The following INPP4B variants were observed in gnomAD, a reference collection of about 807,000 sequenced individuals.
INPP4B encodes the protein inositol polyphosphate 4-phosphatase type II.
In INPP4B, 55 loss-of-function variants were observed where a neutral mutation model predicts 122.5. That is an observed-to-expected ratio of 0.45 (90% CI 0.36 to 0.56). INPP4B has a LOEUF of 0.56. Among genes scored for constraint, INPP4B ranks in the 20% least tolerant of loss-of-function variants. INPP4B has a pLI of 0.00. For missense variants in INPP4B, 1,000 were observed against 1,097.7 expected (o/e 0.91, Z 1.26); for synonymous variants, 403 against 388.7 (o/e 1.04, Z -0.43).
intron 7 of INPP4B, among the ~76,000 whole-genome samples, chr4:142,324,601 G>T (rs1223178004): frequency 2.0e-5 from 3 of 151,922 alleles, no homozygotes; most frequent in Admixed American, 6.6e-5. Context: ...CTTCTGTTTG[G>T]CAAAACCTTG....
At chr4:142,358,741 A>T (rs1299305140) in intron 7 of INPP4B, among the ~76,000 whole-genome samples, 1 of 150,772 alleles carries the variant, frequency 6.6e-6, no homozygotes, top group African/African-American at 2.4e-5. Flanking sequence ...AATTCCTCCC[A>T]CGATAACAAT....
intron 22 of INPP4B, among the ~76,000 whole-genome samples, chr4:142,108,967 C>A (rs1788612726): frequency 1.3e-5 from 2 of 152,122 alleles, no homozygotes. Flanking sequence ...AACTCCACTT[C>A]AAATATAACA....
chr4:142,152,175 G>A (rs1266477924), intron 17 of INPP4B, among the ~76,000 whole-genome samples: 1 of 141,436 alleles, frequency 7.1e-6, no homozygotes, highest in Non-Finnish European at 1.5e-5. Flanking sequence ...CCGGGTTCAT[G>A]CCATTCTCCT....
chr4:142,294,533 A>G (rs1423327017), intron 9 of INPP4B, among the ~76,000 whole-genome samples: 1 of 152,052 alleles, frequency 6.6e-6, no homozygotes, highest in East Asian at 1.9e-4. Context: ...ATGGTGGGGA[A>G]AAAGTGGACA....
At chr4:142,696,246 G>T (rs1018257924) in intron 2 of INPP4B, among the ~76,000 whole-genome samples, 1 of 152,072 alleles carries the variant, frequency 6.6e-6, no homozygotes, top group Admixed American at 6.5e-5. Flanking sequence ...ATAAGACAGA[G>T]AGTGTGCCTG....
chr4:142,552,010 T>G (rs1580350805), intron 2 of INPP4B, among the ~76,000 whole-genome samples: 1 of 152,144 alleles, frequency 6.6e-6, no homozygotes, highest in South Asian at 2.1e-4. Flanking sequence ...AAATGTCAAG[T>G]GGCGGGGGAC....
At position 142,483,276 on chromosome 4, in the gene INPP4B, T is replaced by G. The variant is rs1820804881; in HGVS notation, c.-190-20550A>C. ...GTTAGATATTCAAAGCACACAATCA[T>G]GGTGCTAACATCACAGCAGCAACCT... On this transcript the variant is annotated intron_variant, in intron 2 of 25. Transcript: ENST00000262992. Among the ~76,000 whole-genome samples, 4 of 143,588 alleles carry G rather than the reference T, an allele frequency of 2.8e-5. No individual in the cohort carries two copies. The Admixed American group carries it at 2.9e-4, about 11-fold the overall frequency. The allele number at this position is 143,588 out of a possible 152,430, so 94.2% of individuals were successfully genotyped here. A position where few individuals can be genotyped will look rare whatever the true frequency, so the allele number is the denominator to read the frequency against.
chr4:142,758,144 C>T (rs747284785), intron 1 of INPP4B, among the ~76,000 whole-genome samples: 22 of 151,898 alleles, frequency 1.4e-4, no homozygotes, highest in East Asian at 3.9e-4. Context: ...GAAGTGCAGC[C>T]GAAGGAAGCC....
At position 142,140,792 on chromosome 4, in the gene INPP4B, G is replaced by C. The variant is rs554140262; in HGVS notation, c.1720+5048C>G. Among the ~76,000 whole-genome samples, 28 of 152,270 alleles carry C rather than the reference G, an allele frequency of 1.8e-4. No individual in the cohort carries two copies. The South Asian group carries it at 5.2e-3, about 28-fold the overall frequency. On this transcript the variant is annotated intron_variant, in intron 18 of 25. Coordinates refer to ENST00000262992, the MANE Select transcript of INPP4B (RefSeq NM_001101669.3). ...TACTTGAATCTTTAGAAGCCTGAAG[G>C]ATAGGTCAAATTTAGCAAGGTTTAT...
intron 2 of INPP4B, among the ~76,000 whole-genome samples, chr4:142,542,660 C>G (rs1829075115): frequency 6.6e-6 from 1 of 152,116 alleles, no homozygotes; most frequent in African/African-American, 2.4e-5. Context: ...GCAAATTAAT[C>G]TTGATGTCCA....
At chr4:142,258,566 A>G (rs1257751589) in intron 11 of INPP4B, among the ~76,000 whole-genome samples, 3 of 152,248 alleles carry the variant, frequency 2.0e-5, no homozygotes, top group Non-Finnish European at 4.4e-5. Flanking sequence ...CGCTTCTCAA[A>G]AGAAGACATT....
intron 7 of INPP4B, among the ~76,000 whole-genome samples, chr4:142,386,091 G>A (rs1007509838): frequency 2.6e-5 from 4 of 151,992 alleles, no homozygotes; most frequent in Non-Finnish European, 4.4e-5. Context: ...ATTTCTATGA[G>A]TTCAACTTTT....
At chr4:142,836,353 T>G (rs1782769429) in intron 1 of INPP4B, among the ~76,000 whole-genome samples, 1 of 151,802 alleles carries the variant, frequency 6.6e-6, no homozygotes, top group African/African-American at 2.4e-5. Context: ...AGCAATGACA[T>G]TTAAGCTTGT....
Position 142,726,763 on chromosome 4 carries a change from T to C in INPP4B, c.-253-862A>G, listed in dbSNP as rs536561178. 2.0e-5 allele frequency among the ~76,000 whole-genome samples: 3 copies of C among 152,314 alleles called. No homozygotes were observed. In the South Asian group the frequency reaches 6.2e-4, roughly 32 times the overall value. On this transcript the variant is annotated intron_variant, in intron 1 of 25. Coordinates refer to ENST00000262992, the MANE Select transcript of INPP4B (RefSeq NM_001101669.3). ...TAAAGCAGTCATAAGAATAGTGATA[T>C]AACTGCAATCACTACATCTTACCAA...
chr4:142,542,356 A>C (rs1358878526), intron 2 of INPP4B, among the ~76,000 whole-genome samples: 1 of 152,148 alleles, frequency 6.6e-6, no homozygotes, highest in African/African-American at 2.4e-5. Flanking sequence ...TCTGATTAGA[A>C]ACTCATTGAT....
chr4:142,270,931 GTT>G (rs1451980423), intron 9 of INPP4B, among the ~76,000 whole-genome samples, 157 bp from the exon 10 acceptor site: 2 of 146,024 alleles, frequency 1.4e-5, no homozygotes, highest in South Asian at 2.1e-4. Context: ...TAGGGTAGGT[GTT>G]TGTGTGTGTG....
chr4:142,185,398 G>GTGTATATATATA (rs1553999975), intron 15 of INPP4B, among the ~76,000 whole-genome samples: 3 of 147,120 alleles, frequency 2.0e-5, no homozygotes, highest in Non-Finnish European at 4.5e-5. Context: ...ATGTGTGTGT[G>GTGTATATATATA]TATATATATA....
At chr4:142,179,733 T>C (rs1561395555) in intron 15 of INPP4B, among the ~76,000 whole-genome samples, 2 of 152,196 alleles carry the variant, frequency 1.3e-5, no homozygotes, top group South Asian at 4.1e-4. Flanking sequence ...AGTCCTATTC[T>C]TGCTTTAATT....
rs143281800 is a variant in INPP4B, at chr4:142,519,855, C to T, written c.-190-57129G>A. Among the ~76,000 whole-genome samples the T allele has an allele frequency of 3.8e-4, 58 of 152,048 alleles. No homozygotes were observed. The East Asian group carries it at 6.4e-3, about 17-fold the overall frequency. ...TATCACTATATTTCCAAGACTAAAA[C>T]GACAAAGCAGATGAAAGATCATATC... is the stretch of plus-strand genomic sequence containing the variant. On this transcript the variant is annotated intron_variant, in intron 2 of 25. Transcript: ENST00000262992.
Sources: gnomAD v4.1 joint callset for allele counts (sites outside exome capture counted in the v4.1 genomes callset) on GRCh38, gnomAD v4.1.1 for gene constraint, MANE v1.5 for transcripts, NCBI Gene and HGNC (gene_info 2026-07-23, HGNC 2026-07-21) for gene names.